The following EIF3K variants were observed in gnomAD, a reference collection of about 807,000 sequenced individuals.
EIF3K encodes eIF-3 p28.
Under a neutral mutation model 34.2 loss-of-function variants are expected in EIF3K, and 27 were observed. That is an observed-to-expected ratio of 0.79 (90% confidence interval 0.58 to 1.09). The LOEUF is 1.09. EIF3K is among the 50% of genes least tolerant of loss of function. EIF3K has a pLI of 0.00. For missense variants in EIF3K, 232 were observed against 275.4 expected, an observed-to-expected ratio of 0.84 and a Z score of 1.11; for synonymous variants, 105 against 105.7, an observed-to-expected ratio of 0.99 and a Z score of 0.04.
At position 38,619,194 on chromosome 19, in the gene EIF3K, C is replaced by G; in HGVS notation, c.-75C>G. 6.5e-7 allele frequency: 1 copy of G among 1,547,754 alleles called. No homozygotes were observed. The highest frequency in any genetic ancestry group is 8.9e-7 in the Non-Finnish European group (1 of 1,127,152). On this transcript the variant is annotated 5_prime_UTR_variant, in exon 1 of 8. Transcript: ENST00000248342. ...TCGTTTCCGTTTCCACCACCTCTTC[C>G]TGTTCCCGTCCTTGAGGACGCCGTG...
chr19:38,626,039 G>C lies in EIF3K; in HGVS notation c.291G>C (p.Arg97=). 6.2e-7 allele frequency: 1 copy of C among 1,614,170 alleles called. No homozygotes were observed. Among genetic ancestry groups the C allele is most frequent in the Non-Finnish European group, 8.5e-7 (1 of 1,180,034 alleles). Residue 97 remains arginine (R), a synonymous_variant, in exon 4 of 8, where the codon CGG becomes CGC. Transcript: ENST00000248342. ...CMIDQAHQEE[R]PIRQILYLGD... is the part of the protein sequence containing the mutation. ...CTTCCTCCTCCCAGCAAGAAGAACG[G>C]CCAATCCGACAGATTTTGTACCTCG... is the stretch of plus-strand genomic sequence containing the variant.
chr19:38,632,517 G>GGCA, intron 5 of EIF3K, 21 bp downstream of exon 5: 1 of 1,613,856 alleles, frequency 6.2e-7, no homozygotes, highest in Non-Finnish European at 8.5e-7. Context: ...CTCTGAGGCT[G>GGCA]GGCTCCCCAA....
intron 4 of EIF3K, 195 bp from the exon 5 acceptor site, chr19:38,632,235 G>A: frequency 1.7e-6 from 1 of 573,780 alleles, no homozygotes; most frequent in Non-Finnish European, 3.1e-6. Context: ...GGGCAATATA[G>A]TGAGACCTCG....
At chr19:38,624,660 G>A (rs1397447787) in intron 3 of EIF3K, among the ~76,000 whole-genome samples, 3 of 152,066 alleles carry the variant, frequency 2.0e-5, no homozygotes, top group Non-Finnish European at 4.4e-5. Context: ...ATCACTTGAA[G>A]CTGGGAGATG....
At position 38,620,448 on chromosome 19, in the gene EIF3K, C is replaced by G; in HGVS notation, c.158+13C>G. The G allele has an allele frequency of 1.2e-6, 2 of 1,610,788 alleles. No individual in the cohort carries two copies. The highest frequency in any genetic ancestry group is 1.7e-6 in the Non-Finnish European group (2 of 1,177,678). On this transcript the variant is annotated intron_variant, in intron 2 of 7. Coordinates refer to ENST00000248342, the MANE Select transcript of EIF3K (RefSeq NM_013234.4). ...CTGTCCTGAAGCTGTAAGTGTCTAG[C>G]TCTCTGTCTACACTCCCATTGCAGC... is the stretch of plus-strand genomic sequence containing the variant.
At chr19:38,628,821 C>CAA (rs1159369097) in intron 4 of EIF3K, among the ~76,000 whole-genome samples, 1 of 142,670 alleles carries the variant, frequency 7.0e-6, no homozygotes, top group African/African-American at 2.6e-5. Flanking sequence ...AACTCCATCT[C>CAA]AAAAAAAAAA....
rs1196501114 is a variant in EIF3K, at chr19:38,626,009, T to C, written c.280-19T>C. 1.9e-6 allele frequency: 3 copies of C among 1,614,014 alleles called. No homozygotes were observed. Among genetic ancestry groups the C allele is most frequent in the Non-Finnish European group, 2.5e-6 (3 of 1,179,916 alleles). ...CTTACGCTCCGAGGCCAGTTTTCCTTAATGCTTCCTCCTCCCAGCAAGAAG... is the reference window on the plus strand; with the variant it reads ...CTTACGCTCCGAGGCCAGTTTTCCTCAATGCTTCCTCCTCCCAGCAAGAAG... On this transcript the variant is annotated intron_variant, in intron 3 of 7. Coordinates refer to ENST00000248342, the MANE Select transcript of EIF3K (RefSeq NM_013234.4).
intron 4 of EIF3K, among the ~76,000 whole-genome samples, chr19:38,627,324 C>T (rs976666630): frequency 1.3e-5 from 2 of 151,978 alleles, no homozygotes; most frequent in East Asian, 1.9e-4. Context: ...TCGTCACTTC[C>T]TGCCCGGTAT....
At chr19:38,636,178 A>C (rs1976187061) in intron 7 of EIF3K, among the ~76,000 whole-genome samples, 1 of 151,976 alleles carries the variant, frequency 6.6e-6, no homozygotes, top group Non-Finnish European at 1.5e-5. Flanking sequence ...CTGTTGCCCC[A>C]CCCCACCTTC....
rs536215628 is a variant in EIF3K at position 38,626,107 on chromosome 19, C to A, written c.354+5C>A. On this transcript the variant is annotated splice_donor_5th_base_variant and intron_variant, in intron 4 of 7. Coordinates refer to ENST00000248342, the MANE Select transcript of EIF3K (RefSeq NM_013234.4). Reference sequence around the variant, plus strand: ...TGCCATTTCCAGGCCTTCTGGGTAACTTCCCTGGGGTCCAGGGGCAGGGGA... The same window carrying A: ...TGCCATTTCCAGGCCTTCTGGGTAAATTCCCTGGGGTCCAGGGGCAGGGGA... 5 of 1,613,952 alleles carry A rather than the reference C, an allele frequency of 3.1e-6. No homozygotes were observed. The African/African-American group carries it at 6.7e-5, about 22-fold the overall frequency.
chr19:38,636,821 TGTAGCAG>T, intron 7 of EIF3K, 61 bp from the exon 8 acceptor site: 1 of 1,576,046 alleles, frequency 6.3e-7, no homozygotes, highest in Admixed American at 1.7e-5. Context: ...TTGTGGGTGC[TGTAGCAG>T]GTGGCTGGAG....
intron 4 of EIF3K, chr19:38,631,002 G>C (rs1229933611): frequency 6.6e-6 from 1 of 152,212 alleles, no homozygotes; most frequent in East Asian, 1.9e-4. Context: ...GTAGAGACAG[G>C]GTTTCACCCT....
In EIF3K at chr19:38,634,953, C is replaced by G. The variant is rs557143795; in HGVS notation, c.500-40C>G. ...TCTCAGTCCCCTGGAACTGTGGGAT[C>G]AGGCTGACTGAAGCCCCTTGCTGCC... On this transcript the variant is annotated intron_variant, in intron 6 of 7. Transcript: ENST00000248342. 16 of 1,612,970 alleles carry G rather than the reference C, an allele frequency of 9.9e-6. No individual in the cohort carries two copies. The Admixed American group carries it at 2.3e-4, about 24-fold the overall frequency.
At chr19:38,621,661 C>T (rs1302560118) in intron 2 of EIF3K, among the ~76,000 whole-genome samples, 1 of 152,200 alleles carries the variant, frequency 6.6e-6, no homozygotes, top group African/African-American at 2.4e-5. Context: ...CAGCTCAGCT[C>T]AGGTTTCCCT....
chr19:38,620,909 A>T (rs1464824793), intron 2 of EIF3K, among the ~76,000 whole-genome samples: 1 of 150,094 alleles, frequency 6.7e-6, no homozygotes, highest in Non-Finnish European at 1.5e-5. Flanking sequence ...ATAATAATAA[A>T]AAATCAATTA....
At chr19:38,623,804 C>G (rs908650117) in intron 2 of EIF3K, among the ~76,000 whole-genome samples, 1 of 152,224 alleles carries the variant, frequency 6.6e-6, no homozygotes, top group African/African-American at 2.4e-5. Flanking sequence ...TTAGCCACTA[C>G]TCCAGACCAC....
intron 3 of EIF3K, 22 bp downstream of exon 3, chr19:38,624,219 C>CG (rs751665605): frequency 1.9e-6 from 3 of 1,613,508 alleles, no homozygotes; most frequent in Non-Finnish European, 2.5e-6. Context: ...GCACTGGGGC[C>CG]GGGGGGTGTG....
intron 4 of EIF3K, among the ~76,000 whole-genome samples, chr19:38,631,658 A>C (rs1976069045): frequency 6.6e-6 from 1 of 152,120 alleles, no homozygotes; most frequent in South Asian, 2.1e-4. Flanking sequence ...CTCTTTTACT[A>C]ATCCTCCTCA....
At position 38,619,308 on chromosome 19, in the gene EIF3K, T is replaced by C. The variant is rs773991767; in HGVS notation, c.40T>C (p.Leu14=). 19 of 1,613,904 alleles carry C rather than the reference T, an allele frequency of 1.2e-5. No homozygotes were observed. The Admixed American group carries it at 3.2e-4, about 27-fold the overall frequency. Residue 14 remains leucine (L), a synonymous_variant, in exon 1 of 8, where the codon TTG becomes CTG. Transcript: ENST00000248342. The part of the protein sequence containing the change: ...FEQMRANVGK[L]LKGIDRYNPE... ...GCAGATGAGAGCCAACGTGGGCAAGTTGCTCAAGGGTATCGACAGGTCTGA... is the reference window on the plus strand; with the variant it reads ...GCAGATGAGAGCCAACGTGGGCAAGCTGCTCAAGGGTATCGACAGGTCTGA...
Sources: gnomAD v4.1 joint callset for allele counts (sites outside exome capture counted in the v4.1 genomes callset) on GRCh38, gnomAD v4.1.1 for gene constraint, MANE v1.5 for transcripts, NCBI Gene and HGNC (gene_info 2026-07-23, HGNC 2026-07-21) for gene names.